PITPNM3: variants seen among roughly 807,000 people sequenced by gnomAD.
PITPNM3 encodes membrane-associated phosphatidylinositol transfer protein 3.
A neutral mutation model predicts 102.0 loss-of-function variants in PITPNM3; 26 were observed. The observed-to-expected ratio is 0.25, with a 90% CI of 0.19 to 0.35. The LOEUF is 0.35. Among genes scored for constraint, PITPNM3 ranks in the 10% least tolerant of loss-of-function variants. The probability of loss-of-function intolerance (pLI) is 1.00; values close to 1 mark genes in which losing one functional copy is unlikely to be tolerated. For missense variants in PITPNM3, 1,083 were observed against 1,346.1 expected, an observed-to-expected ratio of 0.80 and a Z score of 3.06; for synonymous variants, 578 against 558.6, an observed-to-expected ratio of 1.03 and a Z score of -0.49.
At chr17:6,491,393 G>A in intron 4 of PITPNM3, among the ~76,000 whole-genome samples, 1 of 152,206 alleles carries the variant, frequency 6.6e-6, no homozygotes, top group East Asian at 1.9e-4. Flanking sequence ...ACAGCCAGTA[G>A]CAGATGCGGA....
rs1339065902 is a variant in PITPNM3, at chr17:6,537,701, C to CT, written c.118+285dup. Reference sequence around the variant, plus strand: ...TTGGATGTCTGCCTCTCCTGCAAGGCTATAAGTATGATGAGAGCAGCAATG... The same window carrying CT: ...TTGGATGTCTGCCTCTCCTGCAAGGCTTATAAGTATGATGAGAGCAGCAATG... On this transcript the variant is annotated intron_variant, in intron 2 of 19. Transcript: ENST00000262483. The surrounding 1 kb of genome is among the most constrained non-coding windows in gnomAD (Gnocchi z 4.4). Among the ~76,000 whole-genome samples, 1 of 152,234 alleles carries CT rather than the reference C, an allele frequency of 6.6e-6. No homozygotes were observed. The highest frequency in any genetic ancestry group is 1.5e-5 in the Non-Finnish European group (1 of 68,046).
rs183408217 is a variant in PITPNM3 at position 6,490,515 on chromosome 17, G to A, written c.275-6223C>T. Reference sequence around the variant, plus strand: ...TGATGGAGTCACTCTGAGAGGCTATGGAGAAAGGAAGAGCAACCAAAAAGC... The same window carrying A: ...TGATGGAGTCACTCTGAGAGGCTATAGAGAAAGGAAGAGCAACCAAAAAGC... On this transcript the variant is annotated intron_variant, in intron 4 of 19. Transcript: ENST00000262483. 1.5e-3 allele frequency among the ~76,000 whole-genome samples: 227 copies of A among 152,290 alleles called. 1 individual carries two copies. Among genetic ancestry groups the A allele is most frequent in the Admixed American group, 2.4e-3 (36 of 15,300 alleles).
chr17:6,520,069 T>A (rs1167655805), intron 3 of PITPNM3, among the ~76,000 whole-genome samples: 3 of 152,040 alleles, frequency 2.0e-5, no homozygotes, highest in Admixed American at 6.6e-5. Flanking sequence ...TTTAAGAAAT[T>A]CAGAGGAAAG....
chr17:6,502,094 C>T (rs1907216323), intron 4 of PITPNM3, among the ~76,000 whole-genome samples: 1 of 152,238 alleles, frequency 6.6e-6, no homozygotes, highest in African/African-American at 2.4e-5. Context: ...CAAAGGCATT[C>T]ACACTTACCA....
chr17:6,530,560 G>A (rs1356956471), intron 2 of PITPNM3, among the ~76,000 whole-genome samples: 6 of 152,206 alleles, frequency 3.9e-5, no homozygotes, highest in Admixed American at 3.3e-4. Flanking sequence ...GGTAAATGCA[G>A]AAAGGAGGAC....
intron 4 of PITPNM3, among the ~76,000 whole-genome samples, chr17:6,490,910 C>T (rs1179245569): frequency 1.4e-5 from 2 of 140,468 alleles, no homozygotes; most frequent in African/African-American, 2.7e-5. Flanking sequence ...TGCAGTGAGC[C>T]GAGATGGCCC....
rs1444962406 is a variant in PITPNM3, at chr17:6,468,162, C to T, written c.1890+63G>A. On this transcript the variant is annotated intron_variant, in intron 14 of 19. Transcript: ENST00000262483. The surrounding 1 kb of genome is among the most constrained non-coding windows in gnomAD (Gnocchi z 5.2). ...CCTCCCATGTGGATGCCCCAGCCCC[C>T]GGGCCAGCCCCACCTCCCGGAGGAC... 2.2e-5 allele frequency: 34 copies of T among 1,530,584 alleles called. No homozygotes were observed. Among genetic ancestry groups the T allele is most frequent in the South Asian group, 5.6e-5 (5 of 89,292 alleles). The allele number at this position is 1,530,584 out of a possible 1,614,324, so 94.8% of individuals were successfully genotyped here.
rs779983015 is a variant in PITPNM3 at position 6,483,700 on chromosome 17, T to C, written c.404A>G (p.His135Arg). ...ACCCGTGTCCAGGATGTTTCCCCCATGCAGGACCAGCAGGAGGACATGTGT... is the reference window on the plus strand; with the variant it reads ...ACCCGTGTCCAGGATGTTTCCCCCACGCAGGACCAGCAGGAGGACATGTGT... Reference protein sequence around the residue: ...CKTHVLLLVLHGGNILDTGAG... With the variant: ...CKTHVLLLVLRGGNILDTGAG... Residue 135 changes from histidine to arginine, a missense_variant, in exon 6 of 20, where the codon CAT becomes CGT. By Grantham distance (29) the His-to-Arg change is conservative. Transcript: ENST00000262483. 1 of 1,613,860 alleles carries C rather than the reference T, an allele frequency of 6.2e-7. No homozygotes were observed. Among genetic ancestry groups the C allele is most frequent in the African/African-American group, 1.3e-5 (1 of 74,862 alleles).
intron 17 of PITPNM3, among the ~76,000 whole-genome samples, chr17:6,463,317 CTG>C (rs1190790426): frequency 6.6e-6 from 1 of 152,006 alleles, no homozygotes; most frequent in African/African-American, 2.4e-5. Context: ...CCACCAGACT[CTG>C]AGTGTCCTCT....
intron 4 of PITPNM3, among the ~76,000 whole-genome samples, chr17:6,497,291 G>C (rs1223253069): frequency 6.6e-6 from 1 of 152,188 alleles, no homozygotes; most frequent in African/African-American, 2.4e-5. Context: ...GGCTGGTCAG[G>C]GCATTCAGAG....
intron 6 of PITPNM3, chr17:6,479,688 G>A (rs150939444): frequency 0.013 from 2,026 of 152,450 alleles, 24 homozygotes; most frequent in Non-Finnish European, 0.024. Flanking sequence ...TGACAGGGCT[G>A]GAGCACTCTC....
intron 4 of PITPNM3, among the ~76,000 whole-genome samples, chr17:6,495,500 A>G (rs778224675): frequency 5.9e-5 from 9 of 152,180 alleles, no homozygotes; most frequent in Non-Finnish European, 1.2e-4. Context: ...TCGCAACTCC[A>G]GGAAGATGGA....
Position 6,468,382 on chromosome 17 carries a change from C to A in PITPNM3, c.1774-41G>T. 1.3e-6 allele frequency: 2 copies of A among 1,592,796 alleles called. No homozygotes were observed. Among genetic ancestry groups the A allele is most frequent in the Non-Finnish European group, 1.7e-6 (2 of 1,161,048 alleles). On this transcript the variant is annotated intron_variant, in intron 13 of 19. Transcript: ENST00000262483. The surrounding 1 kb of genome is among the most constrained non-coding windows in gnomAD (Gnocchi z 5.2). ...GCAGGGCCCCGGTCAGGTCTTCTGG[C>A]TTCTCTGCTTCCCTCCCAGGGTGTC...
At chr17:6,528,460 GTGCATGTGTGTGTGCA>G (rs1908956982) in intron 2 of PITPNM3, among the ~76,000 whole-genome samples, 1 of 152,036 alleles carries the variant, frequency 6.6e-6, no homozygotes, top group Admixed American at 6.5e-5. Flanking sequence ...ACGTGTGCAC[GTGCATGTGTGTGTGCA>G]TGCATGTGTG....
chr17:6,531,693 A>G (rs1005672867), intron 2 of PITPNM3, among the ~76,000 whole-genome samples: 7 of 152,128 alleles, frequency 4.6e-5, no homozygotes, highest in African/African-American at 1.4e-4. Context: ...GCCTTCCACA[A>G]TATGGGCTAC....
At chr17:6,490,027 A>C (rs1398784148) in intron 4 of PITPNM3, among the ~76,000 whole-genome samples, 1 of 151,962 alleles carries the variant, frequency 6.6e-6, no homozygotes, top group Non-Finnish European at 1.5e-5. Flanking sequence ...ATAAAAAGAC[A>C]TGTTATGCTC....
rs1009652608 is a variant in PITPNM3, at chr17:6,538,152, C to T, written c.23-70G>A. 6.9e-6 allele frequency: 8 copies of T among 1,156,870 alleles called. No individual in the cohort carries two copies. The South Asian group carries it at 1.0e-4, about 15-fold the overall frequency. The allele number at this position is 1,156,870 out of a possible 1,614,324, so 71.7% of individuals were successfully genotyped here. ...CCAGTATGAGGGAGGTGACCCAAGACCCCCCTGGACTAAAGGCCAGTTAGC... is the reference window on the plus strand; with the variant it reads ...CCAGTATGAGGGAGGTGACCCAAGATCCCCCTGGACTAAAGGCCAGTTAGC... On this transcript the variant is annotated intron_variant, in intron 1 of 19. Coordinates refer to ENST00000262483, the MANE Select transcript of PITPNM3 (RefSeq NM_031220.4).
Position 6,556,349 on chromosome 17 carries a change from G to C in PITPNM3, c.22+36C>G, listed in dbSNP as rs1225693401. 3.6e-6 allele frequency: 5 copies of C among 1,391,384 alleles called. No individual in the cohort carries two copies. Among genetic ancestry groups the C allele is most frequent in the South Asian group, 2.9e-5 (2 of 68,028 alleles). 86.2% of individuals were successfully genotyped at this position (1,391,384 alleles called of 1,614,324 possible). A position where few individuals can be genotyped will look rare whatever the true frequency, so the allele number is the denominator to read the frequency against. On this transcript the variant is annotated intron_variant, in intron 1 of 19. Coordinates refer to ENST00000262483, the MANE Select transcript of PITPNM3 (RefSeq NM_031220.4). This position sits in a 1 kb window ranked among gnomAD's most constrained non-coding sequence, Gnocchi z 5.2. ...CTCTAGACGCGCGAGTCCCTCCCCC[G>C]GGCCCCGGCCCTGCCCTCCCCGCGC...
At chr17:6,512,068 G>A (rs1907898177) in intron 3 of PITPNM3, among the ~76,000 whole-genome samples, 1 of 152,212 alleles carries the variant, frequency 6.6e-6, no homozygotes, top group Non-Finnish European at 1.5e-5. Flanking sequence ...TAGCAGAGGA[G>A]CCAGGTGTCT....
Sources: allele counts gnomAD v4.1 joint callset (sites outside exome capture counted in the v4.1 genomes callset), GRCh38; gene constraint gnomAD v4.1.1; non-coding constraint Gnocchi (gnomAD v3.1); transcripts MANE v1.5; gene names NCBI Gene and HGNC (gene_info 2026-07-23, HGNC 2026-07-21).